Variants in CREB5 observed in about 807,000 individuals in gnomAD.
The protein encoded by CREB5 is cAMP responsive element binding protein 5, also known as cyclic AMP-responsive element-binding protein 5.
CREB5 carries 19 observed loss-of-function variants against 57.1 expected under a neutral mutation model. That is an observed-to-expected ratio of 0.33 (90% CI 0.23 to 0.49). The LOEUF is 0.49. Ranked by LOEUF, CREB5 falls within the 20% of genes least tolerant of loss-of-function variation. CREB5 has a pLI of 0.99. For synonymous variants in CREB5, 238 were observed against 238.3 expected (o/e 1.00, Z 0.01); for missense variants, 579 against 671.6 (o/e 0.86, Z 1.52).
At chr7:28,745,959 C>A (rs1804662431) in intron 7 of CREB5, among the ~76,000 whole-genome samples, 1 of 152,200 alleles carries the variant, frequency 6.6e-6, no homozygotes, top group Non-Finnish European at 1.5e-5. Context: ...CTCAAGCCCT[C>A]CTGGAGGAAG....
At chr7:28,311,735 A>G (rs1477993947) in intron 1 of CREB5, among the ~76,000 whole-genome samples, 1 of 152,234 alleles carries the variant, frequency 6.6e-6, no homozygotes, top group Non-Finnish European at 1.5e-5. Flanking sequence ...ACTCCTGGGC[A>G]AGGTACGGCA....
At chr7:28,560,620 G>C (rs1282741869) in intron 4 of CREB5, among the ~76,000 whole-genome samples, 1 of 152,100 alleles carries the variant, frequency 6.6e-6, no homozygotes, top group Admixed American at 6.5e-5. Context: ...GGATGGTCAA[G>C]AAGAGGCAAG....
chr7:28,321,449 A>G (rs1294187955), intron 1 of CREB5, among the ~76,000 whole-genome samples: 1 of 152,134 alleles, frequency 6.6e-6, no homozygotes, highest in Non-Finnish European at 1.5e-5. Flanking sequence ...TACCCAATCT[A>G]TCACAGGGTT....
At chr7:28,399,306 G>C (rs1787400058) in intron 1 of CREB5, among the ~76,000 whole-genome samples, 1 of 150,448 alleles carries the variant, frequency 6.6e-6, no homozygotes, top group Non-Finnish European at 1.5e-5. Context: ...CAAAATAAGT[G>C]ATAGGAAAAT....
intron 5 of CREB5, among the ~76,000 whole-genome samples, chr7:28,581,130 C>T (rs1583660827): frequency 6.6e-6 from 1 of 152,164 alleles, no homozygotes; most frequent in South Asian, 2.1e-4. Flanking sequence ...AGTGAGGAAA[C>T]CCCCAGCCAA....
intron 4 of CREB5, among the ~76,000 whole-genome samples, chr7:28,525,132 C>A (rs569295400): frequency 1.3e-5 from 2 of 152,282 alleles, no homozygotes; most frequent in Non-Finnish European, 2.9e-5. Context: ...CCTTCAGTTC[C>A]ATCCATGTTG....
At chr7:28,648,919 G>C (rs1026445729) in intron 5 of CREB5, among the ~76,000 whole-genome samples, 5 of 152,064 alleles carry the variant, frequency 3.3e-5, no homozygotes, top group African/African-American at 1.2e-4. Flanking sequence ...TTAAAGCTAT[G>C]CCTTAAAAGC....
chr7:28,346,149 C>G (rs565432651), intron 1 of CREB5, among the ~76,000 whole-genome samples: 19 of 152,126 alleles, frequency 1.2e-4, no homozygotes, highest in African/African-American at 3.4e-4. Flanking sequence ...ATTGGAATAT[C>G]GAGCAGAAAA....
At chr7:28,499,520 A>C (rs1583542703) in intron 3 of CREB5, among the ~76,000 whole-genome samples, 1 of 152,254 alleles carries the variant, frequency 6.6e-6, no homozygotes, top group East Asian at 1.9e-4. Context: ...CCGCAAGGTA[A>C]AACCCAATTG....
Position 28,560,853 on chromosome 7 carries a change from T to TGTGC in CREB5, c.292-9509_292-9508insCGTG, listed in dbSNP as rs1562797175. On this transcript the variant is annotated intron_variant, in intron 4 of 10. Coordinates refer to ENST00000357727, the MANE Select transcript of CREB5 (RefSeq NM_182898.4). ...GCGCGCGTGTGTGTGTGCGCGTGTGTGTGTGCGTGTGCCTGCGTGCGCGTG... is the reference window on the plus strand; with the variant it reads ...GCGCGCGTGTGTGTGTGCGCGTGTGTGTGCGTGTGCGTGTGCCTGCGTGCGCGTG... Among the ~76,000 whole-genome samples the TGTGC allele has an allele frequency of 7.5e-4, 49 of 65,700 alleles. 2 individuals carry two copies. The highest frequency in any genetic ancestry group is 1.4e-3 in the Non-Finnish European group (41 of 30,192). The allele number at this position is 65,700 out of a possible 152,430, so 43.1% of individuals were successfully genotyped here.
intron 1 of CREB5, among the ~76,000 whole-genome samples, chr7:28,333,063 C>A (rs999306749): frequency 8.5e-5 from 13 of 152,124 alleles, no homozygotes; most frequent in Admixed American, 7.9e-4. Flanking sequence ...TGTCTTTTGA[C>A]TCTGTAATTA....
At chr7:28,759,720 G>T (rs193148379) in intron 7 of CREB5, among the ~76,000 whole-genome samples, 183 of 152,350 alleles carry the variant, frequency 1.2e-3, no homozygotes, top group African/African-American at 4.2e-3. Flanking sequence ...TTTGTATAGA[G>T]AATGCAAAAC....
At chr7:28,306,541 GTTTTGTTTTTTTTGTTTTTTTTTT>G (rs1785186618) in intron 1 of CREB5, among the ~76,000 whole-genome samples, 1 of 44,458 alleles carries the variant, frequency 2.2e-5, no homozygotes, top group Non-Finnish European at 4.8e-5. Flanking sequence ...TACAGATACA[GTTTTGTTTTTTTTGTTTTTTTTTT>G]TTTTTTTTTT....
At chr7:28,443,793 A>G (rs1053392515) in intron 1 of CREB5, among the ~76,000 whole-genome samples, 10 of 152,132 alleles carry the variant, frequency 6.6e-5, no homozygotes, top group Non-Finnish European at 1.3e-4. Context: ...TAATTCACTT[A>G]CGATGATGAT....
At chr7:28,589,994 A>G (rs1007074134) in intron 5 of CREB5, among the ~76,000 whole-genome samples, 3 of 152,218 alleles carry the variant, frequency 2.0e-5, no homozygotes, top group Non-Finnish European at 4.4e-5. Context: ...CAGCTTTGTC[A>G]TCATAAAACC....
chr7:28,744,801 A>T (rs924983427), intron 7 of CREB5, among the ~76,000 whole-genome samples: 2 of 152,264 alleles, frequency 1.3e-5, no homozygotes, highest in Non-Finnish European at 2.9e-5. Flanking sequence ...CTTAAATATT[A>T]AAATCTTAAA....
intron 1 of CREB5, among the ~76,000 whole-genome samples, chr7:28,351,115 G>A (rs1335792143): frequency 6.6e-6 from 1 of 152,144 alleles, no homozygotes; most frequent in Non-Finnish European, 1.5e-5. Flanking sequence ...TAAATTAGTT[G>A]GTAACTGTGA....
chr7:28,780,145 A>C (rs2128782986), intron 7 of CREB5, among the ~76,000 whole-genome samples: 1 of 151,042 alleles, frequency 6.6e-6, no homozygotes, highest in East Asian at 2.0e-4. Context: ...GCTTCTCTCC[A>C]CTCCTTTTCA....
At chr7:28,771,725 CATA>C (rs1001328414) in intron 7 of CREB5, among the ~76,000 whole-genome samples, 3 of 118,210 alleles carry the variant, frequency 2.5e-5, no homozygotes, top group African/African-American at 9.8e-5. Context: ...CCTGGCACTT[CATA>C]ATGTTTAAAG....
Sources: gnomAD v4.1 joint callset for allele counts (sites outside exome capture counted in the v4.1 genomes callset) on GRCh38, gnomAD v4.1.1 for gene constraint, MANE v1.5 for transcripts, NCBI Gene and HGNC (gene_info 2026-07-23, HGNC 2026-07-21) for gene names.